The following EGFLAM variants were observed in gnomAD, a reference collection of about 807,000 sequenced individuals.
EGFLAM encodes pikachurin.
In EGFLAM, 79 loss-of-function variants were observed where a neutral mutation model predicts 113.1. The observed-to-expected ratio is 0.70, with a 90% CI of 0.58 to 0.84. The LOEUF is 0.84. Among genes scored for constraint, EGFLAM ranks in the 40% least tolerant of loss-of-function variants. The pLI is 0.00. For synonymous variants in EGFLAM, 504 were observed against 487.6 expected, an observed-to-expected ratio of 1.03 and a Z score of -0.44; for missense variants, 1,265 against 1,291.6, an observed-to-expected ratio of 0.98 and a Z score of 0.32.
chr5:38,271,541 T>C (rs1032012173), intron 1 of EGFLAM, among the ~76,000 whole-genome samples: 2 of 152,196 alleles, frequency 1.3e-5, no homozygotes, highest in African/African-American at 4.8e-5. Context: ...GATAGATTAT[T>C]TGCTATTCCA....
chr5:38,387,826 C>T lies in EGFLAM; in HGVS notation c.712+17364C>T, dbSNP rs72740342. On this transcript the variant is annotated intron_variant, in intron 6 of 21. Transcript: ENST00000322350. ...GACCTAGAGAGAGGCTGTCTTGCTC[C>T]TGTCACAGGCTGTCTATGAGGTTTT... Among the ~76,000 whole-genome samples, 699 of 152,330 alleles carry T rather than the reference C, an allele frequency of 4.6e-3. 3 individuals are homozygous for T. The highest frequency in any genetic ancestry group is 8.9e-3 in the South Asian group (43 of 4,824).
chr5:38,401,083 A>G (rs1465919118), intron 6 of EGFLAM: 2 of 152,216 alleles, frequency 1.3e-5, no homozygotes, highest in Non-Finnish European at 2.9e-5. Context: ...CCATTGAAAA[A>G]TATGTGCCTT....
chr5:38,396,063 T>TTTTTTTTTTTTTTTTTTTTTTTGAGACGG (rs1482050151), intron 6 of EGFLAM, among the ~76,000 whole-genome samples: 4 of 151,962 alleles, frequency 2.6e-5, no homozygotes, highest in African/African-American at 9.7e-5. Context: ...ACCCACTCTT[T>TTTTTTTTTTTTTTTTTTTTTTTGAGACGG]AAAAGCCTCC....
At chr5:38,276,621 C>A (rs953257146) in intron 1 of EGFLAM, among the ~76,000 whole-genome samples, 2 of 149,770 alleles carry the variant, frequency 1.3e-5, no homozygotes, top group Non-Finnish European at 3.0e-5. Context: ...ATAAAAAGAT[C>A]AACAAAACAA....
At chr5:38,406,057 G>A (rs548091019) in intron 6 of EGFLAM, 69 bp from the exon 7 acceptor site, 1 of 1,226,026 alleles carries the variant, frequency 8.2e-7, no homozygotes, top group African/African-American at 1.5e-5. Context: ...GCCTGTGGCT[G>A]AGTTAGGCTA....
At chr5:38,379,387 C>A (rs1325070651) in intron 6 of EGFLAM, among the ~76,000 whole-genome samples, 1 of 151,592 alleles carries the variant, frequency 6.6e-6, no homozygotes, top group Non-Finnish European at 1.5e-5. Flanking sequence ...GCAGAGAACA[C>A]AGGAGAGAGT....
intron 1 of EGFLAM, among the ~76,000 whole-genome samples, chr5:38,264,334 C>G (rs1757578545): frequency 6.6e-6 from 1 of 152,162 alleles, no homozygotes; most frequent in African/African-American, 2.4e-5. Context: ...CGATGCAGCT[C>G]TCTCATCTTT....
intron 6 of EGFLAM, among the ~76,000 whole-genome samples, chr5:38,396,895 G>C (rs898686812): frequency 8.0e-4 from 122 of 152,138 alleles, no homozygotes; most frequent in African/African-American, 2.8e-3. Flanking sequence ...CTGGCCATCT[G>C]CTTGACTTTC....
chr5:38,320,796 G>A (rs1179799975), intron 1 of EGFLAM, among the ~76,000 whole-genome samples: 1 of 151,968 alleles, frequency 6.6e-6, no homozygotes, highest in Non-Finnish European at 1.5e-5. Context: ...TTCCAAACAA[G>A]GTGTGGAGGA....
chr5:38,349,980 CACACACAGACAGACACACAG>C (rs1383181097), intron 3 of EGFLAM, among the ~76,000 whole-genome samples: 1 of 133,692 alleles, frequency 7.5e-6, no homozygotes, highest in Non-Finnish European at 1.6e-5. Flanking sequence ...CACACACACA[CACACACAGACAGACACACAG>C]ACATACTTTT....
chr5:38,383,050 C>G (rs992528589), intron 6 of EGFLAM, among the ~76,000 whole-genome samples: 1 of 152,298 alleles, frequency 6.6e-6, no homozygotes, highest in Non-Finnish European at 1.5e-5. Flanking sequence ...GCCGGACGAG[C>G]CCTTGCGACT....
At chr5:38,446,978 A>C (rs1379685286) in intron 17 of EGFLAM, among the ~76,000 whole-genome samples, 1 of 152,186 alleles carries the variant, frequency 6.6e-6, no homozygotes, top group Non-Finnish European at 1.5e-5. Context: ...TCGTGAAGCT[A>C]TAACGTGTTT....
chr5:38,285,548 A>G lies in EGFLAM; in HGVS notation c.97+26697A>G, dbSNP rs1212382118. 7.2e-5 allele frequency: 11 copies of G among 152,278 alleles called. 1 individual carries two copies. Among genetic ancestry groups the G allele is most frequent in the Non-Finnish European group, 1.6e-4 (11 of 68,122 alleles). The allele number at this position is 152,278 out of a possible 1,614,324, so 9.4% of individuals were successfully genotyped here. ...GCCAGCCCAAGCTACCTTCAGGGTCAGTGTCGTATGTTTGACAGAGGGAAT... is the reference window on the plus strand; with the variant it reads ...GCCAGCCCAAGCTACCTTCAGGGTCGGTGTCGTATGTTTGACAGAGGGAAT... On this transcript the variant is annotated intron_variant, in intron 1 of 21. Coordinates refer to ENST00000322350, the MANE Select transcript of EGFLAM (RefSeq NM_152403.4).
intron 5 of EGFLAM, among the ~76,000 whole-genome samples, chr5:38,368,205 T>A (rs1045953041): frequency 6.6e-6 from 1 of 152,218 alleles, no homozygotes; most frequent in African/African-American, 2.4e-5. Flanking sequence ...CCCCTGTGGT[T>A]TTCCTCTGCG....
intron 5 of EGFLAM, among the ~76,000 whole-genome samples, chr5:38,352,976 T>C (rs1040088259): frequency 1.4e-4 from 22 of 152,226 alleles, no homozygotes; most frequent in Non-Finnish European, 2.9e-4. Context: ...TGAAATATTA[T>C]ATATGAAAGT....
At chr5:38,348,536 G>A (rs1488252063) in intron 3 of EGFLAM, among the ~76,000 whole-genome samples, 1 of 152,190 alleles carries the variant, frequency 6.6e-6, no homozygotes, top group Non-Finnish European at 1.5e-5. Flanking sequence ...AGTCATTAAA[G>A]ACTGAGATGC....
At chr5:38,426,560 A>G (rs993460795) in intron 13 of EGFLAM, among the ~76,000 whole-genome samples, 2 of 152,202 alleles carry the variant, frequency 1.3e-5, no homozygotes, top group African/African-American at 4.8e-5. Flanking sequence ...AGGGTAAGCC[A>G]ATGCTGTTAC....
At chr5:38,385,278 ACCC>A (rs1232044947) in intron 6 of EGFLAM, among the ~76,000 whole-genome samples, 16 of 41,048 alleles carry the variant, frequency 3.9e-4, no homozygotes, top group African/African-American at 1.3e-3. Flanking sequence ...TTTCCCACCC[ACCC>A]CCCCCCCCCG....
intron 19 of EGFLAM, among the ~76,000 whole-genome samples, chr5:38,453,623 C>T (rs538079579): frequency 6.6e-6 from 1 of 152,264 alleles, no homozygotes; most frequent in African/African-American, 2.4e-5. Context: ...TAGCCTCCCA[C>T]CCATTGCTAG....
Sources: gnomAD v4.1 joint callset for allele counts (sites outside exome capture counted in the v4.1 genomes callset) on GRCh38, gnomAD v4.1.1 for gene constraint, MANE v1.5 for transcripts, NCBI Gene and HGNC (gene_info 2026-07-23, HGNC 2026-07-21) for gene names.